C1orf87: variants seen among roughly 807,000 people sequenced by gnomAD.
C1orf87 encodes chromosome 1 open reading frame 87, also known as uncharacterized protein C1orf87.
Under a neutral mutation model 60.5 loss-of-function variants are expected in C1orf87, and 58 were observed. The observed-to-expected ratio is 0.96, with a 90% CI of 0.78 to 1.19. The LOEUF (loss-of-function observed/expected upper bound fraction) is 1.19, where lower values mean the gene tolerates loss of function less well. Ranked by LOEUF, C1orf87 falls within the 50% of genes most tolerant of loss-of-function variation. C1orf87 has a pLI of 0.00. For synonymous variants in C1orf87, 236 were observed against 227.4 expected (o/e 1.04, Z -0.34); for missense variants, 673 against 638.6 (o/e 1.05, Z -0.58).
intron 9 of C1orf87, among the ~76,000 whole-genome samples, chr1:60,002,963 A>G (rs1645017923): frequency 6.6e-6 from 1 of 151,798 alleles, no homozygotes; most frequent in Admixed American, 6.6e-5. Context: ...CAGCCATCCC[A>G]TTACTGGGTA....
chr1:60,005,191 G>A (rs1464547695), intron 9 of C1orf87, among the ~76,000 whole-genome samples: 1 of 152,072 alleles, frequency 6.6e-6, no homozygotes, highest in African/African-American at 2.4e-5. Context: ...ATCCCTGTGA[G>A]GTAGAAATCA....
At chr1:60,023,693 C>T (rs1303072814) in intron 8 of C1orf87, among the ~76,000 whole-genome samples, 1 of 152,056 alleles carries the variant, frequency 6.6e-6, no homozygotes, top group African/African-American at 2.4e-5. Flanking sequence ...TCCATAATTC[C>T]AATATCCTTA....
At chr1:60,065,656 T>C (rs1406690879) in intron 2 of C1orf87, among the ~76,000 whole-genome samples, 1 of 152,156 alleles carries the variant, frequency 6.6e-6, no homozygotes, top group Non-Finnish European at 1.5e-5. Context: ...AAAAAGAAGT[T>C]GATGGAATTC....
At chr1:60,019,249 C>T (rs1645145440) in intron 8 of C1orf87, among the ~76,000 whole-genome samples, 1 of 152,150 alleles carries the variant, frequency 6.6e-6, no homozygotes, top group Non-Finnish European at 1.5e-5. Flanking sequence ...TGTGGCACGT[C>T]CCCCTCACTG....
At chr1:60,001,007 C>T in intron 10 of C1orf87, 70 bp downstream of exon 10, 1 of 1,265,166 alleles carries the variant, frequency 7.9e-7, no homozygotes. Flanking sequence ...AGAGCCCCAT[C>T]CAGCATCAGA....
At chr1:60,016,658 A>G (rs1264582119) in intron 8 of C1orf87, among the ~76,000 whole-genome samples, 1 of 152,164 alleles carries the variant, frequency 6.6e-6, no homozygotes, top group African/African-American at 2.4e-5. Context: ...GCCAGCTAGG[A>G]CTCATGCTGG....
chr1:60,042,438 A>C (rs1382729358), intron 3 of C1orf87, among the ~76,000 whole-genome samples: 1 of 152,210 alleles, frequency 6.6e-6, no homozygotes, highest in Non-Finnish European at 1.5e-5. Context: ...CTAAATTGAC[A>C]GTCATGTTGA....
chr1:60,056,028 G>T (rs1645453091), intron 2 of C1orf87, among the ~76,000 whole-genome samples: 1 of 151,986 alleles, frequency 6.6e-6, no homozygotes, highest in Non-Finnish European at 1.5e-5. Flanking sequence ...GGTGGATCAT[G>T]AGGTCAGGAG....
intron 3 of C1orf87, among the ~76,000 whole-genome samples, chr1:60,041,872 C>T (rs1305915754): frequency 3.9e-5 from 6 of 152,040 alleles, no homozygotes; most frequent in African/African-American, 1.4e-4. Flanking sequence ...GCCTTTTTTT[C>T]TCCTGCCTTA....
intron 3 of C1orf87, among the ~76,000 whole-genome samples, chr1:60,043,875 A>G (rs948427357): frequency 2.6e-5 from 4 of 152,176 alleles, no homozygotes; most frequent in African/African-American, 9.7e-5. Flanking sequence ...GAGTCAAGGT[A>G]TCTTTCAGTT....
At position 60,039,910 on chromosome 1, in the gene C1orf87, G is replaced by A; in HGVS notation, c.747+7C>T. On this transcript the variant is annotated splice_region_variant and intron_variant, in intron 5 of 11. Coordinates refer to ENST00000371201, the MANE Select transcript of C1orf87 (RefSeq NM_152377.3). ...AACCCACACTTCCAATAGTACAATT[G>A]CCATACCATTTCAGGAGAACCCCTC... 2 of 1,612,202 alleles carry A rather than the reference G, an allele frequency of 1.2e-6. No individual in the cohort carries two copies. Among genetic ancestry groups the A allele is most frequent in the Non-Finnish European group, 1.7e-6 (2 of 1,179,288 alleles).
intron 9 of C1orf87, among the ~76,000 whole-genome samples, chr1:60,002,173 A>C (rs1046166619): frequency 6.6e-6 from 1 of 152,126 alleles, no homozygotes; most frequent in African/African-American, 2.4e-5. Context: ...TGATTTAATC[A>C]ATACATTTTA....
At chr1:59,998,149 G>A (rs551972451) in intron 10 of C1orf87, among the ~76,000 whole-genome samples, 1 of 135,094 alleles carries the variant, frequency 7.4e-6, no homozygotes, top group Admixed American at 8.1e-5. Context: ...GGGTCTGCAG[G>A]GGGTAGACTT....
intron 3 of C1orf87, among the ~76,000 whole-genome samples, chr1:60,051,221 A>G (rs1379751784): frequency 6.6e-6 from 1 of 152,162 alleles, no homozygotes; most frequent in Non-Finnish European, 1.5e-5. Flanking sequence ...TAAATTTTAT[A>G]CCAGGGAATT....
At chr1:60,035,952 T>C (rs1645272977) in intron 6 of C1orf87, among the ~76,000 whole-genome samples, 1 of 152,180 alleles carries the variant, frequency 6.6e-6, no homozygotes, top group South Asian at 2.1e-4. Flanking sequence ...CAGCAAAGGC[T>C]TTCTGTCTAG....
intron 11 of C1orf87, among the ~76,000 whole-genome samples, chr1:59,997,244 G>A (rs1644969672): frequency 6.6e-6 from 1 of 152,150 alleles, no homozygotes; most frequent in African/African-American, 2.4e-5. Context: ...AATAGTAGGA[G>A]AAGAGATTGG....
intron 8 of C1orf87, among the ~76,000 whole-genome samples, chr1:60,018,805 T>G (rs1645140963): frequency 6.6e-6 from 1 of 152,238 alleles, no homozygotes; most frequent in Non-Finnish European, 1.5e-5. Context: ...TCATTATTCA[T>G]ATGTTCATCG....
chr1:59,991,842 G>A (rs112009170), intron 11 of C1orf87, among the ~76,000 whole-genome samples: 50 of 152,184 alleles, frequency 3.3e-4, no homozygotes, highest in African/African-American at 1.0e-3. Flanking sequence ...TGTAGACCAC[G>A]GCATCACTGA....
At chr1:60,058,031 G>C (rs1239007129) in intron 2 of C1orf87, among the ~76,000 whole-genome samples, 3 of 152,230 alleles carry the variant, frequency 2.0e-5, no homozygotes, top group Non-Finnish European at 4.4e-5. Context: ...TGCAAGACAG[G>C]AGTATGAGAA....
Sources: allele counts gnomAD v4.1 joint callset (sites outside exome capture counted in the v4.1 genomes callset), GRCh38; gene constraint gnomAD v4.1.1; transcripts MANE v1.5; gene names NCBI Gene and HGNC (gene_info 2026-07-23, HGNC 2026-07-21).